LEF1: variants seen among roughly 807,000 people sequenced by gnomAD.
The protein encoded by LEF1 is lymphoid enhancer-binding factor 1.
LEF1 carries 14 observed loss-of-function variants against 51.2 expected under a neutral mutation model. The observed-to-expected ratio is 0.27, with a 90% confidence interval of 0.18 to 0.43. LEF1 has a LOEUF of 0.43. LEF1 is among the 20% of genes least tolerant of loss of function. The pLI, the probability that LEF1 is intolerant of heterozygous loss-of-function variation, is 1.00. For missense variants in LEF1, 386 were observed against 512.0 expected (o/e 0.75, Z 2.37); for synonymous variants, 185 against 183.2 (o/e 1.01, Z -0.08).
At chr4:108,060,723 A>G (rs1737624802) in intron 11 of LEF1, among the ~76,000 whole-genome samples, 1 of 151,930 alleles carries the variant, frequency 6.6e-6, no homozygotes, top group Non-Finnish European at 1.5e-5. Flanking sequence ...ACTTATTTTT[A>G]TTATAGTACT....
At chr4:108,113,353 A>G (rs1309619084) in intron 3 of LEF1, among the ~76,000 whole-genome samples, 10 of 152,162 alleles carry the variant, frequency 6.6e-5, no homozygotes, top group Non-Finnish European at 1.2e-4. Flanking sequence ...GGGGAAGTGC[A>G]GATCTCCGCA....
At chr4:108,160,482 T>C (rs1367010166) in intron 3 of LEF1, among the ~76,000 whole-genome samples, 4 of 152,164 alleles carry the variant, frequency 2.6e-5, no homozygotes, top group Non-Finnish European at 4.4e-5. Flanking sequence ...AAATATGTCA[T>C]GATAGGTGCT....
intron 3 of LEF1, among the ~76,000 whole-genome samples, chr4:108,136,097 A>G (rs1743248036): frequency 6.6e-6 from 1 of 152,364 alleles, no homozygotes; most frequent in Admixed American, 6.5e-5. Flanking sequence ...GGTAGAAAAA[A>G]ACAAAACAAG....
intron 4 of LEF1, among the ~76,000 whole-genome samples, chr4:108,088,212 C>T (rs917981017): frequency 5.9e-5 from 9 of 152,136 alleles, no homozygotes; most frequent in African/African-American, 2.2e-4. Context: ...CTCTTTTTCA[C>T]ACAGTCATTA....
chr4:108,141,843 A>G (rs1743678679), intron 3 of LEF1, among the ~76,000 whole-genome samples: 1 of 152,192 alleles, frequency 6.6e-6, no homozygotes, highest in Admixed American at 6.5e-5. Flanking sequence ...ACTTATTTTC[A>G]CAACTCTGTA....
At chr4:108,072,517 T>C (rs1738556710) in intron 8 of LEF1, among the ~76,000 whole-genome samples, 1 of 152,172 alleles carries the variant, frequency 6.6e-6, no homozygotes, top group Admixed American at 6.5e-5. Context: ...GGATAGATGA[T>C]TTATTGTTTA....
chr4:108,093,120 A>G (rs1296555085), intron 3 of LEF1, among the ~76,000 whole-genome samples: 1 of 152,094 alleles, frequency 6.6e-6, no homozygotes, highest in Non-Finnish European at 1.5e-5. Flanking sequence ...ACAGACTGGA[A>G]GCCGAGAAAC....
At chr4:108,162,832 C>T (rs1745145881) in intron 3 of LEF1, among the ~76,000 whole-genome samples, 1 of 152,134 alleles carries the variant, frequency 6.6e-6, no homozygotes, top group Non-Finnish European at 1.5e-5. Context: ...ACACAAGTTA[C>T]CATTTAGGTA....
intron 3 of LEF1, among the ~76,000 whole-genome samples, chr4:108,143,368 C>G (rs1277900229): frequency 6.6e-6 from 1 of 152,158 alleles, no homozygotes; most frequent in East Asian, 1.9e-4. Flanking sequence ...ATATTTTTCT[C>G]TTGGAAAAGT....
At chr4:108,095,416 T>C (rs1210686139) in intron 3 of LEF1, among the ~76,000 whole-genome samples, 2 of 152,194 alleles carry the variant, frequency 1.3e-5, no homozygotes, top group South Asian at 2.1e-4. Flanking sequence ...TAAGTAATAA[T>C]TAGTGGAGAG....
chr4:108,073,809 T>C (rs1738652103), intron 8 of LEF1, among the ~76,000 whole-genome samples: 1 of 139,308 alleles, frequency 7.2e-6, no homozygotes. Context: ...TCCATTGCTT[T>C]AAGTCCTCTG....
chr4:108,167,724 G>C lies in LEF1; in HGVS notation c.44C>G (p.Pro15Arg), dbSNP rs967933796. ...SGGGGGGGGD[P>R]ELCATDEMIP... is the part of the protein sequence containing the mutation. ...CATCTCGTCCGTGGCGCAGAGTTCC[G>C]GGTCCCCCCCGCCGCCGCCACCTCC... Residue 15 changes from proline to arginine, a missense_variant, in exon 1 of 12, where the codon CCG becomes CGG. By Grantham distance (103) the Pro-to-Arg change is moderately radical. Coordinates refer to ENST00000265165, the MANE Select transcript of LEF1 (RefSeq NM_016269.5). The surrounding 1 kb of genome is among the most constrained non-coding windows in gnomAD (Gnocchi z 5.7). The C allele has an allele frequency of 1.2e-6, 2 of 1,613,656 alleles. No homozygotes were observed. Among genetic ancestry groups the C allele is most frequent in the African/African-American group, 1.3e-5 (1 of 74,938 alleles).
chr4:108,098,443 G>A (rs763283247), intron 3 of LEF1, among the ~76,000 whole-genome samples: 64 of 151,066 alleles, frequency 4.2e-4, no homozygotes, highest in Admixed American at 3.3e-4. Flanking sequence ...ACTGCAAATG[G>A]AGGGTGCAAA....
chr4:108,092,917 T>TAAAA (rs71592104), intron 3 of LEF1, among the ~76,000 whole-genome samples: 182 of 31,082 alleles, frequency 5.9e-3, no homozygotes, highest in South Asian at 8.1e-3. Context: ...AATGAATATG[T>TAAAA]AAAAAAAAAA....
At chr4:108,133,406 C>T (rs1743033793) in intron 3 of LEF1, among the ~76,000 whole-genome samples, 1 of 152,172 alleles carries the variant, frequency 6.6e-6, no homozygotes, top group South Asian at 2.1e-4. Flanking sequence ...ACAGACTCGT[C>T]CTTCATTAGG....
chr4:108,121,134 A>C (rs1742156716), intron 3 of LEF1, among the ~76,000 whole-genome samples: 1 of 152,228 alleles, frequency 6.6e-6, no homozygotes, highest in South Asian at 2.1e-4. Context: ...TAGGTTTAAC[A>C]AAATTAATAA....
At chr4:108,127,420 A>G (rs751172725) in intron 3 of LEF1, among the ~76,000 whole-genome samples, 1 of 152,210 alleles carries the variant, frequency 6.6e-6, no homozygotes, top group Non-Finnish European at 1.5e-5. Flanking sequence ...GCTGAATCTC[A>G]TGTGACTCTC....
At chr4:108,099,523 T>C (rs1740611954) in intron 3 of LEF1, among the ~76,000 whole-genome samples, 1 of 50,670 alleles carries the variant, frequency 2.0e-5, no homozygotes, top group Non-Finnish European at 6.8e-5. Flanking sequence ...TGTATGTATA[T>C]ATATATATAT....
At chr4:108,155,911 AT>A (rs1026183588) in intron 3 of LEF1, among the ~76,000 whole-genome samples, 1 of 152,218 alleles carries the variant, frequency 6.6e-6, no homozygotes. Context: ...AAAGGATAGA[AT>A]CAATTTACAA....
Sources: gnomAD v4.1 joint callset for allele counts (sites outside exome capture counted in the v4.1 genomes callset) on GRCh38, gnomAD v4.1.1 for gene constraint, Gnocchi (gnomAD v3.1) non-coding constraint, MANE v1.5 for transcripts, NCBI Gene and HGNC (gene_info 2026-07-23, HGNC 2026-07-21) for gene names.